DACT3: variants seen among roughly 807,000 people sequenced by gnomAD.
DACT3 encodes the protein dapper homolog 3.
Under a neutral mutation model 19.6 loss-of-function variants are expected in DACT3, and 5 were observed. The ratio of observed to expected loss-of-function variants is 0.26; its 90% CI spans 0.13 to 0.54. The LOEUF (loss-of-function observed/expected upper bound fraction) is 0.54. Ranked by LOEUF, DACT3 falls within the 20% of genes least tolerant of loss-of-function variation. DACT3 has a pLI of 0.95. For missense variants in DACT3, 908 were observed against 927.4 expected, an observed-to-expected ratio of 0.98 and a Z score of 0.27; for synonymous variants, 454 against 428.1, an observed-to-expected ratio of 1.06 and a Z score of -0.75.
Position 46,649,534 on chromosome 19 carries a change from G to GCGGGCCGCCGTC in DACT3, c.826_837dup (p.Asp276_Pro279dup). 1 of 1,052,046 alleles carries GCGGGCCGCCGTC rather than the reference G, an allele frequency of 9.5e-7. No homozygotes were observed. The highest frequency in any genetic ancestry group is 1.1e-6 in the Non-Finnish European group (1 of 875,718). The allele number at this position is 1,052,046 out of a possible 1,614,324, so 65.2% of individuals were successfully genotyped here. ...CGCTGGCGCACGCTGTTCTGGCGCC[G>GCGGGCCGCCGTC]CGGGCCGCCGTCCGCGCCCCCGGGA... On this transcript the variant is annotated inframe_insertion, in exon 4 of 4. Transcript: ENST00000391916.
intron 1 of DACT3, chr19:46,654,755 G>A: frequency 2.0e-6 from 2 of 985,382 alleles, no homozygotes; most frequent in Non-Finnish European, 2.4e-6. Context: ...AGGAGGGTTT[G>A]GGAGGGCAGG....
intron 1 of DACT3, among the ~76,000 whole-genome samples, chr19:46,655,248 T>C (rs1185102364): frequency 6.6e-6 from 1 of 152,204 alleles, no homozygotes; most frequent in Non-Finnish European, 1.5e-5. Context: ...ATAGCTCCCC[T>C]GTCATTGTGT....
Position 46,648,383 on chromosome 19 carries a change from G to C in DACT3, c.*99C>G. The C allele has an allele frequency of 6.3e-7, 1 of 1,579,056 alleles. No individual in the cohort carries two copies. Among genetic ancestry groups the C allele is most frequent in the East Asian group, 2.3e-5 (1 of 44,434 alleles). ...AGTGAGGGGGGTCTTTGGAAGCAGA[G>C]AAAACGATGGTCTTTGGAAGGTAGA... On this transcript the variant is annotated 3_prime_UTR_variant, in exon 4 of 4. Coordinates refer to ENST00000391916, the MANE Select transcript of DACT3 (RefSeq NM_145056.3). The surrounding 1 kb of genome is among the most constrained non-coding windows in gnomAD (Gnocchi z 5.1).
At chr19:46,654,811 G>A (rs969044654) in intron 1 of DACT3, 17 of 985,040 alleles carry the variant, frequency 1.7e-5, no homozygotes, top group South Asian at 9.4e-5. Context: ...CCGGCTCCCC[G>A]GCAGCCACAA....
At chr19:46,652,461 G>T in intron 3 of DACT3, 199 bp downstream of exon 3, 2 of 645,328 alleles carry the variant, frequency 3.1e-6, no homozygotes, top group South Asian at 2.3e-5. Flanking sequence ...TTACAGGCGT[G>T]AGCCACCGCA....
rs1297972271 is a variant in DACT3, at chr19:46,648,994, C to T, written c.1378G>A (p.Gly460Ser). 1.6e-6 allele frequency: 2 copies of T among 1,270,480 alleles called. No individual in the cohort carries two copies. The highest frequency in any genetic ancestry group is 2.0e-6 in the Non-Finnish European group (2 of 1,010,094). The allele number at this position is 1,270,480 out of a possible 1,614,324, so 78.7% of individuals were successfully genotyped here. ...EEPRPPRPRR[G>S]PAPTLAAQAA... ...TGGGCCGCCAGCGTGGGCGCTGGGC[C>T]GCGGCGTGGCCGTGGAGGCCGAGGC... Residue 460 changes from glycine (G) to serine (S), a missense_variant, in exon 4 of 4, where the codon GGC becomes AGC. Physicochemically the swap from Gly to Ser is moderately conservative, Grantham distance 56 (BLOSUM62 0). Transcript: ENST00000391916. The surrounding 1 kb of genome is among the most constrained non-coding windows in gnomAD (Gnocchi z 5.1).
At chr19:46,650,127 A>ATT (rs58142251) in intron 3 of DACT3, 49,242 of 96,052 alleles carry the variant, frequency 0.51, 14,490 homozygotes, top group Non-Finnish European at 0.54. Context: ...CTTACCCCCT[A>ATT]TTTTTTTTTT....
At chr19:46,651,763 C>G (rs916899558) in intron 3 of DACT3, 2 of 150,360 alleles carry the variant, frequency 1.3e-5, no homozygotes, top group Non-Finnish European at 3.0e-5. Context: ...GCAGTGACAC[C>G]ATCTCAGCTC....
Position 46,660,837 on chromosome 19 carries a change from TGCGGCCC to T in DACT3, c.221_227del (p.Arg74GlnfsTer25). 1 of 1,513,940 alleles carries T rather than the reference TGCGGCCC, an allele frequency of 6.6e-7. No individual in the cohort carries two copies. 93.8% of individuals were successfully genotyped at this position (1,513,940 alleles called of 1,614,324 possible). A position where few individuals can be genotyped will look rare whatever the true frequency, so the allele number is the denominator to read the frequency against. ...TTACCAGCTGCTCCTCCAGGGCCGCTGCGGCCCGGCGCGCCGCCGCCGCATCTTCATC... is the reference window on the plus strand; with the variant it reads ...TTACCAGCTGCTCCTCCAGGGCCGCTGGCGCGCCGCCGCCGCATCTTCATC... On this transcript the variant is annotated frameshift_variant, in exon 1 of 4. Coordinates refer to ENST00000391916, the MANE Select transcript of DACT3 (RefSeq NM_145056.3). LOFTEE classifies it high-confidence loss of function. This position sits in a 1 kb window ranked among gnomAD's most constrained non-coding sequence, Gnocchi z 4.9.
chr19:46,654,888 A>T (rs2053021552), intron 1 of DACT3: 1 of 950,948 alleles, frequency 1.1e-6, no homozygotes, highest in African/African-American at 2.1e-5. Context: ...AGAAGCCCCC[A>T]TCCGGGCCTG....
At position 46,657,915 on chromosome 19, in the gene DACT3, G is replaced by A. The variant is rs192762305; in HGVS notation, c.249+2901C>T. 2.6e-3 allele frequency among the ~76,000 whole-genome samples: 398 copies of A among 152,070 alleles called. 1 individual carries two copies. Among genetic ancestry groups the A allele is most frequent in the African/African-American group, 9.0e-3 (372 of 41,506 alleles). On this transcript the variant is annotated intron_variant, in intron 1 of 3. Coordinates refer to ENST00000391916, the MANE Select transcript of DACT3 (RefSeq NM_145056.3). Reference sequence around the variant, plus strand: ...AAAAATACAAAAATTAGCCAGGGGTGATGGTGCATGCCTGTAATTCCAGCT... The same window carrying A: ...AAAAATACAAAAATTAGCCAGGGGTAATGGTGCATGCCTGTAATTCCAGCT...
intron 1 of DACT3, among the ~76,000 whole-genome samples, chr19:46,656,851 T>G (rs553285480): frequency 2.6e-5 from 4 of 152,156 alleles, no homozygotes; most frequent in Non-Finnish European, 5.9e-5. Context: ...CCCAAATGAC[T>G]GAGTCCCATT....
chr19:46,653,006 G>C lies in DACT3; in HGVS notation c.319C>G (p.Leu107Val). 6.4e-7 allele frequency: 1 copy of C among 1,551,490 alleles called. No homozygotes were observed. Among genetic ancestry groups the C allele is most frequent in the Non-Finnish European group, 8.7e-7 (1 of 1,147,004 alleles). The change falls in exon 2 of 4, where the codon CTG becomes GTG. Residue 107 changes from leucine to valine, a missense_variant. Leu to Val is a conservative substitution (Grantham distance 32, BLOSUM62 1). This residue lies in a region of DACT3 where 252 missense variants were observed against 325.6 expected (regional missense o/e 0.77). Transcript: ENST00000391916. ...GAGCTACGCCCGCTCTCCTGTTCCA[G>C]GCCCCCAGACTCCAGGCTCAGGTCT... is the stretch of plus-strand genomic sequence containing the variant. ...LGDLSLESGG[L>V]EQESGRSSGF...
Position 46,649,451 on chromosome 19 carries a change from C to T in DACT3, c.921G>A (p.Leu307=). 1 of 1,214,686 alleles carries T rather than the reference C, an allele frequency of 8.2e-7. No individual in the cohort carries two copies. Among genetic ancestry groups the T allele is most frequent in the Non-Finnish European group, 1.0e-6 (1 of 971,490 alleles). 75.2% of individuals were successfully genotyped at this position (1,214,686 alleles called of 1,614,324 possible). ...TGGTGGGGTGGCCCCCGACGCGCTC[C>T]AACGAGGGCTCCCGCGCGGGTCGCG... is the stretch of plus-strand genomic sequence containing the variant. ...GSARPAREPS[L]ERVGGHPTSP... The change falls in exon 4 of 4, where the codon TTG becomes TTA. Residue 307 remains leucine, a synonymous_variant. Coordinates refer to ENST00000391916, the MANE Select transcript of DACT3 (RefSeq NM_145056.3).
intron 3 of DACT3, 190 bp downstream of exon 3, chr19:46,652,461 GAGCCACCGC>G: frequency 1.5e-6 from 1 of 645,328 alleles, no homozygotes. Flanking sequence ...TTACAGGCGT[GAGCCACCGC>G]ACCCAGCCAT....
At chr19:46,654,757 G>A (rs1227859089) in intron 1 of DACT3, 2 of 985,274 alleles carry the variant, frequency 2.0e-6, no homozygotes, top group Non-Finnish European at 2.4e-6. Context: ...GAGGGTTTGG[G>A]AGGGCAGGCA....
Position 46,649,213 on chromosome 19 carries a change from T to G in DACT3, c.1159A>C (p.Ser387Arg). ...TCCCGGGGTGGTGACTGCTCCACGC[T>G]GCGGCCGCGGGTCAGTGGCGGCGGT... Reference protein sequence around the residue: ...RKPPPLTRGRSVEQSPPRERP... With the variant: ...RKPPPLTRGRRVEQSPPRERP... Residue 387 changes from serine to arginine, a missense_variant, in exon 4 of 4, where the codon AGC becomes CGC. By Grantham distance (110) the Ser-to-Arg change is moderately radical. Around this residue, in one of 2 missense-constraint regions of DACT3, gnomAD observed 656 missense variants for 601.8 expected, o/e 1.09. Transcript: ENST00000391916. The G allele has an allele frequency of 1.7e-6, 2 of 1,200,634 alleles. No individual in the cohort carries two copies. The highest frequency in any genetic ancestry group is 2.1e-6 in the Non-Finnish European group (2 of 970,214). 74.4% of individuals were successfully genotyped at this position (1,200,634 alleles called of 1,614,324 possible).
At chr19:46,653,409 T>C (rs2053005319) in intron 1 of DACT3, among the ~76,000 whole-genome samples, 2 of 152,042 alleles carry the variant, frequency 1.3e-5, no homozygotes, top group South Asian at 4.1e-4. Context: ...CAACCCTGAT[T>C]AGAATGTCCC....
At position 46,648,428 on chromosome 19, in the gene DACT3, G is replaced by T. The variant is rs2052939298; in HGVS notation, c.*54C>A. On this transcript the variant is annotated 3_prime_UTR_variant, in exon 4 of 4. Coordinates refer to ENST00000391916, the MANE Select transcript of DACT3 (RefSeq NM_145056.3). This position sits in a 1 kb window ranked among gnomAD's most constrained non-coding sequence, Gnocchi z 5.1. ...GGTAGATGTGGAAGGGTCAGTGGTTGGGAGTGTGGAGGTGCAGAGGCCATG... is the reference window on the plus strand; with the variant it reads ...GGTAGATGTGGAAGGGTCAGTGGTTTGGAGTGTGGAGGTGCAGAGGCCATG... 1 of 1,612,008 alleles carries T rather than the reference G, an allele frequency of 6.2e-7. No individual in the cohort carries two copies. Among genetic ancestry groups the T allele is most frequent in the African/African-American group, 1.3e-5 (1 of 74,848 alleles).
Sources: gnomAD v4.1 joint callset for allele counts (sites outside exome capture counted in the v4.1 genomes callset) on GRCh38, gnomAD v4.1.1 for gene constraint, gnomAD v4.1.1 regional missense constraint, Gnocchi (gnomAD v3.1) non-coding constraint, MANE v1.5 for transcripts, NCBI Gene and HGNC (gene_info 2026-07-23, HGNC 2026-07-21) for gene names.